CFAP157: variants seen among roughly 807,000 people sequenced by gnomAD.
CFAP157 encodes cilia- and flagella-associated protein 157.
In CFAP157, 43 loss-of-function variants were observed where a neutral mutation model predicts 57.8. The ratio of observed to expected loss-of-function variants is 0.74; its 90% CI spans 0.58 to 0.96. The LOEUF is 0.96. Ranked by LOEUF, CFAP157 falls within the 40% of genes least tolerant of loss-of-function variation. The pLI, the probability that CFAP157 is intolerant of heterozygous loss-of-function variation, is 0.00. For synonymous variants in CFAP157, 267 were observed against 269.0 expected (o/e 0.99, Z 0.07); for missense variants, 606 against 655.3 (o/e 0.92, Z 0.82).
Position 127,714,794 on chromosome 9 carries a change from C to A in CFAP157, c.*889C>A. On this transcript the variant is annotated 3_prime_UTR_variant, in exon 9 of 9. Coordinates refer to ENST00000373295, the MANE Select transcript of CFAP157 (RefSeq NM_001012502.3). ...CATGATGAGGGACCACAACTAATCCCACTTCACATATAAAGAAACTGAGGC... is the reference window on the plus strand; with the variant it reads ...CATGATGAGGGACCACAACTAATCCAACTTCACATATAAAGAAACTGAGGC... The A allele has an allele frequency of 8.5e-7, 1 of 1,177,832 alleles. No homozygotes were observed. The highest frequency in any genetic ancestry group is 2.6e-5 in the East Asian group (1 of 39,172). 73.0% of individuals were successfully genotyped at this position (1,177,832 alleles called of 1,614,324 possible).
At chr9:127,713,496 CTTTTTTTTTTTTTT>C (rs58502035) in intron 8 of CFAP157, 15 of 90,914 alleles carry the variant, frequency 1.6e-4, no homozygotes, top group East Asian at 2.7e-4. Context: ...CAGCATCTTT[CTTTTTTTTTTTTTT>C]TTTTTTTTTT....
At chr9:127,711,567 G>T in intron 4 of CFAP157, 71 bp downstream of exon 4, 1 of 1,551,192 alleles carries the variant, frequency 6.4e-7, no homozygotes. Context: ...GCCCTGCAGG[G>T]GTAGAGTCAG....
Position 127,709,644 on chromosome 9 carries a change from C to G in CFAP157, c.384C>G (p.His128Gln), listed in dbSNP as rs1238207879. The G allele has an allele frequency of 6.2e-7, 1 of 1,613,624 alleles. No homozygotes were observed. Among genetic ancestry groups the G allele is most frequent in the Non-Finnish European group, 8.5e-7 (1 of 1,180,020 alleles). ...AFEAQLAQVR[H>Q]EFQETKDQLT... ...AGGCGCAGCTGGCCCAGGTGCGCCA[C>G]GAGTTCCAGGAGACCAAGGACCAGC... Residue 128 changes from histidine to glutamine, a missense_variant, in exon 2 of 9, where the codon CAC (histidine) becomes CAG (glutamine). Physicochemically the swap from His to Gln is conservative, Grantham distance 24 (BLOSUM62 0). Coordinates refer to ENST00000373295, the MANE Select transcript of CFAP157 (RefSeq NM_001012502.3). This position sits in a 1 kb window ranked among gnomAD's most constrained non-coding sequence, Gnocchi z 4.7.
chr9:127,712,298 C>T lies in CFAP157; in HGVS notation c.1086C>T (p.Ser362=). The stretch of plus-strand genomic sequence containing the variant: ...CTAATGAGCAGAAGGTTCGGGCCAG[C>T]CTGGAGGCGGCTCTGGTCCAGGCCA... ...ELANEQKVRA[S]LEAALVQATS... The change falls in exon 6 of 9, where the codon AGC becomes AGT. Residue 362 remains serine (S), a synonymous_variant. Coordinates refer to ENST00000373295, the MANE Select transcript of CFAP157 (RefSeq NM_001012502.3). The T allele has an allele frequency of 6.2e-7, 1 of 1,614,080 alleles. No individual in the cohort carries two copies. Among genetic ancestry groups the T allele is most frequent in the African/African-American group, 1.3e-5 (1 of 75,052 alleles).
intron 6 of CFAP157, 119 bp from the exon 7 acceptor site, chr9:127,712,590 G>A: frequency 6.3e-7 from 1 of 1,577,630 alleles, no homozygotes; most frequent in Non-Finnish European, 8.6e-7. Context: ...CTGAAGAATG[G>A]GTATCCCACC....
Position 127,714,735 on chromosome 9 carries a change from G to A in CFAP157, c.*830G>A, listed in dbSNP as rs923664202. ...CAGGGAAACGGCAGCCCTGGTTACT[G>A]CCCATCTGCCCAGAGAGGCACTGTC... On this transcript the variant is annotated 3_prime_UTR_variant, in exon 9 of 9. Coordinates refer to ENST00000373295, the MANE Select transcript of CFAP157 (RefSeq NM_001012502.3). 15 of 1,540,636 alleles carry A rather than the reference G, an allele frequency of 9.7e-6. No individual in the cohort carries two copies. The highest frequency in any genetic ancestry group is 1.2e-5 in the Non-Finnish European group (14 of 1,124,790).
Position 127,709,312 on chromosome 9 carries a change from A to G in CFAP157, c.162-110A>G. On this transcript the variant is annotated intron_variant, in intron 1 of 8. Coordinates refer to ENST00000373295, the MANE Select transcript of CFAP157 (RefSeq NM_001012502.3). This position sits in a 1 kb window ranked among gnomAD's most constrained non-coding sequence, Gnocchi z 4.7. ...GAGGCTGGATTCTGATCACAAGGAA[A>G]CTCAAATGCCCCTTTACGGGACAGG... 7.7e-6 allele frequency: 9 copies of G among 1,169,996 alleles called. No homozygotes were observed. Among genetic ancestry groups the G allele is most frequent in the Non-Finnish European group, 1.1e-5 (9 of 836,430 alleles). 72.5% of individuals were successfully genotyped at this position (1,169,996 alleles called of 1,614,324 possible).
rs769193697 is a variant in CFAP157 at position 127,711,496 on chromosome 9, G to A, written c.855G>A (p.Lys285=). The A allele has an allele frequency of 1.9e-5, 30 of 1,612,604 alleles. No homozygotes were observed. In the South Asian group the frequency reaches 3.0e-4, roughly 16 times the overall value. Residue 285 remains lysine (K), a splice_region_variant and synonymous_variant, in exon 4 of 9, where the codon AAG becomes AAA. Transcript: ENST00000373295. ...CCAGGCACAAAAGAGGCCACCAGAA[G>A]GTGTGCCTGCAGGCCTCAGCACAGG... ...VMARHKRGHQ[K]IILMLTKKCQ...
intron 3 of CFAP157, among the ~76,000 whole-genome samples, 164 bp from the exon 4 acceptor site, chr9:127,711,065 A>G (rs1327968545): frequency 2.0e-5 from 3 of 152,208 alleles, no homozygotes; most frequent in African/African-American, 7.2e-5. Flanking sequence ...ACAAAGGTCC[A>G]GAGGATCTAC....
Position 127,712,286 on chromosome 9 carries a change from G to A in CFAP157, c.1074G>A (p.Lys358=). Residue 358 remains lysine (K), a synonymous_variant, in exon 6 of 9, where the codon AAG becomes AAA. Coordinates refer to ENST00000373295, the MANE Select transcript of CFAP157 (RefSeq NM_001012502.3). ...AGCAGGAACTGGCTAATGAGCAGAA[G>A]GTTCGGGCCAGCCTGGAGGCGGCTC... ...RLQQELANEQ[K]VRASLEAALV... is the part of the protein sequence containing the mutation. 1 of 1,614,088 alleles carries A rather than the reference G, an allele frequency of 6.2e-7. No homozygotes were observed. Among genetic ancestry groups the A allele is most frequent in the Non-Finnish European group, 8.5e-7 (1 of 1,179,998 alleles).
chr9:127,712,059 G>A (rs1588394133), intron 5 of CFAP157, 109 bp downstream of exon 5: 1 of 1,500,062 alleles, frequency 6.7e-7, no homozygotes, highest in Non-Finnish European at 9.0e-7. Flanking sequence ...CTCTCTAGAG[G>A]AGCCTGCCAG....
In CFAP157 at chr9:127,711,253, C is replaced by T. The variant is rs1213792265; in HGVS notation, c.612C>T (p.Arg204=). ...KDRLRKEIIQ[R]VNLVANEFHK... The stretch of plus-strand genomic sequence containing the variant: ...GACTGAGGAAAGAGATCATCCAGCG[C>T]GTGAACCTCGTGGCCAATGAGTTCC... The change falls in exon 4 of 9, where the codon CGC becomes CGT. Residue 204 remains arginine, a synonymous_variant. Coordinates refer to ENST00000373295, the MANE Select transcript of CFAP157 (RefSeq NM_001012502.3). 16 of 1,613,978 alleles carry T rather than the reference C, an allele frequency of 9.9e-6. No individual in the cohort carries two copies. Among genetic ancestry groups the T allele is most frequent in the Non-Finnish European group, 1.3e-5 (15 of 1,180,008 alleles).
intron 4 of CFAP157, 86 bp from the exon 5 acceptor site, chr9:127,711,734 G>A (rs1842769492): frequency 2.1e-6 from 3 of 1,459,130 alleles, no homozygotes; most frequent in Admixed American, 2.1e-5. Flanking sequence ...TGGCCGCTCT[G>A]CATAGGGGAA....
chr9:127,712,055 A>C, intron 5 of CFAP157, 105 bp downstream of exon 5: 3 of 1,503,520 alleles, frequency 2.0e-6, no homozygotes, highest in Non-Finnish European at 2.7e-6. Context: ...TCCCCTCTCT[A>C]GAGGAGCCTG....
chr9:127,708,199 C>T (rs371235009), intron 1 of CFAP157, among the ~76,000 whole-genome samples: 278 of 152,280 alleles, frequency 1.8e-3, no homozygotes, highest in Middle Eastern at 0.017. Flanking sequence ...ACTTTCCAGG[C>T]CAGGCACAGT....
chr9:127,715,638 A>G lies in CFAP157; in HGVS notation c.*1733A>G, dbSNP rs761446993. On this transcript the variant is annotated 3_prime_UTR_variant, in exon 9 of 9. Transcript: ENST00000373295. This position sits in a 1 kb window ranked among gnomAD's most constrained non-coding sequence, Gnocchi z 5.8. ...GGCGCCCAAAAAGCCGCCCGGCCTCATGCTGCCCCCATTCACTCCGACACC... is the reference window on the plus strand; with the variant it reads ...GGCGCCCAAAAAGCCGCCCGGCCTCGTGCTGCCCCCATTCACTCCGACACC... 2 of 1,611,628 alleles carry G rather than the reference A, an allele frequency of 1.2e-6. No homozygotes were observed. Among genetic ancestry groups the G allele is most frequent in the South Asian group, 2.2e-5 (2 of 91,018 alleles).
chr9:127,712,124 C>A, intron 5 of CFAP157, 75 bp from the exon 6 acceptor site: 1 of 1,568,308 alleles, frequency 6.4e-7, no homozygotes, highest in African/African-American at 1.4e-5. Flanking sequence ...AGAGAAATGG[C>A]AGGGCCCCTG....
Position 127,715,105 on chromosome 9 carries a change from C to G in CFAP157, c.*1200C>G, listed in dbSNP as rs1371708888. On this transcript the variant is annotated 3_prime_UTR_variant, in exon 9 of 9. Transcript: ENST00000373295. This position sits in a 1 kb window ranked among gnomAD's most constrained non-coding sequence, Gnocchi z 5.8. ...GCCGGTCGCGCGTCCAACTCTCCGC[C>G]ACACCCAGCCGCCGCGCCAGCTGCC... 6.5e-7 allele frequency: 1 copy of G among 1,533,792 alleles called. No individual in the cohort carries two copies. The highest frequency in any genetic ancestry group is 8.7e-7 in the Non-Finnish European group (1 of 1,145,892).
Position 127,714,252 on chromosome 9 carries a change from G to A in CFAP157, c.*347G>A, listed in dbSNP as rs11540273. ...TGAACCGCCTCAGGGTGCGCCGGGCGCCCGATACCCACCCGCAGCCTTGGC... is the reference window on the plus strand; with the variant it reads ...TGAACCGCCTCAGGGTGCGCCGGGCACCCGATACCCACCCGCAGCCTTGGC... On this transcript the variant is annotated 3_prime_UTR_variant, in exon 9 of 9. Transcript: ENST00000373295. 42 of 1,613,928 alleles carry A rather than the reference G, an allele frequency of 2.6e-5. No individual in the cohort carries two copies. The highest frequency in any genetic ancestry group is 3.3e-5 in the South Asian group (3 of 91,078).
Sources: allele counts gnomAD v4.1 joint callset (sites outside exome capture counted in the v4.1 genomes callset), GRCh38; gene constraint gnomAD v4.1.1; non-coding constraint Gnocchi (gnomAD v3.1); transcripts MANE v1.5; gene names NCBI Gene and HGNC (gene_info 2026-07-23, HGNC 2026-07-21).